PLPPR1: variants seen among roughly 807,000 people sequenced by gnomAD.
PLPPR1 encodes the protein phospholipid phosphatase-related protein type 1.
Under a neutral mutation model 33.1 loss-of-function variants are expected in PLPPR1, and 10 were observed. The observed-to-expected ratio is 0.30, with a 90% CI of 0.19 to 0.51. PLPPR1 has a LOEUF of 0.51. Ranked by LOEUF, PLPPR1 falls within the 20% of genes least tolerant of loss-of-function variation. The probability of loss-of-function intolerance (pLI) is 0.97; values close to 1 mark genes in which losing one functional copy is unlikely to be tolerated. For missense variants in PLPPR1, 304 were observed against 408.1 expected (o/e 0.74, Z 2.20); for synonymous variants, 151 against 151.0 (o/e 1.00, Z 0.00).
At chr9:101,109,060 G>A (rs140328123) in intron 1 of PLPPR1, among the ~76,000 whole-genome samples, 4,169 of 149,138 alleles carry the variant, frequency 0.028, 87 homozygotes, top group East Asian at 0.08. Flanking sequence ...CCGGATTGAC[G>A]CCATTCTCCT....
chr9:101,298,419 C>A (rs1466483032), intron 4 of PLPPR1, among the ~76,000 whole-genome samples: 1 of 152,134 alleles, frequency 6.6e-6, no homozygotes, highest in Non-Finnish European at 1.5e-5. Flanking sequence ...CTAAGTGAAG[C>A]ATGAATATTT....
rs551694427 is a variant in PLPPR1 at position 101,081,428 on chromosome 9, C to T, written c.-46+52326C>T. Among the ~76,000 whole-genome samples the T allele has an allele frequency of 2.6e-5, 4 of 152,200 alleles. No individual in the cohort carries two copies. The East Asian group carries it at 5.8e-4, about 22-fold the overall frequency. The stretch of plus-strand genomic sequence containing the variant: ...CAGGCTGGTCTGGAACTCCTGACCT[C>T]ATGATCCACCCACCTCAGCCTCCCA... On this transcript the variant is annotated intron_variant, in intron 1 of 7. Transcript: ENST00000374874.
chr9:101,195,305 C>T (rs1826375766), intron 2 of PLPPR1, among the ~76,000 whole-genome samples: 2 of 152,042 alleles, frequency 1.3e-5, no homozygotes, highest in African/African-American at 4.8e-5. Flanking sequence ...TTGAAGGGAA[C>T]GAGATTCTTT....
chr9:101,111,305 T>C (rs1398539923), intron 1 of PLPPR1, among the ~76,000 whole-genome samples: 5 of 152,182 alleles, frequency 3.3e-5, no homozygotes, highest in African/African-American at 1.2e-4. Flanking sequence ...CTGCTAAGGG[T>C]AAATCAATCT....
At position 101,296,489 on chromosome 9, in the gene PLPPR1, C is replaced by T. The variant is rs902188104; in HGVS notation, c.385+10253C>T. Among the ~76,000 whole-genome samples, 7 of 151,996 alleles carry T rather than the reference C, an allele frequency of 4.6e-5. No homozygotes were observed. In the East Asian group the frequency reaches 9.7e-4, roughly 21 times the overall value. ...ACTATAAATCATGCTGCTATAAAGA[C>T]ACATGCACATGTATGTTTATTGCGG... On this transcript the variant is annotated intron_variant, in intron 4 of 7. Transcript: ENST00000374874.
chr9:101,190,601 C>T lies in PLPPR1; in HGVS notation c.63+5044C>T, dbSNP rs895791164. ...TGGCAGTTGGTGGGGAGAACAGATG[C>T]CAACCAGCCTCTACAATTCAAAGTT... On this transcript the variant is annotated intron_variant, in intron 2 of 7. Transcript: ENST00000374874. Among the ~76,000 whole-genome samples, 17 of 152,044 alleles carry T rather than the reference C, an allele frequency of 1.1e-4. 1 individual carries two copies. The highest frequency in any genetic ancestry group is 1.0e-3 in the South Asian group (5 of 4,828).
chr9:101,070,781 C>T (rs752718698), intron 1 of PLPPR1, among the ~76,000 whole-genome samples: 3 of 152,082 alleles, frequency 2.0e-5, no homozygotes, highest in Non-Finnish European at 4.4e-5. Context: ...TCTTTCTTTA[C>T]TGCACATCCC....
intron 4 of PLPPR1, among the ~76,000 whole-genome samples, chr9:101,292,323 C>G (rs1295402343): frequency 6.6e-6 from 1 of 152,070 alleles, no homozygotes; most frequent in African/African-American, 2.4e-5. Flanking sequence ...GATTGGTGTA[C>G]CTGAAAGTGA....
At chr9:101,177,201 T>A (rs1007787912) in intron 1 of PLPPR1, among the ~76,000 whole-genome samples, 7 of 152,292 alleles carry the variant, frequency 4.6e-5, no homozygotes, top group Middle Eastern at 3.4e-3. Flanking sequence ...GATCACTTTG[T>A]ATAGTCTGGA....
chr9:101,152,555 C>T (rs1301175381), intron 1 of PLPPR1, among the ~76,000 whole-genome samples: 1 of 152,092 alleles, frequency 6.6e-6, no homozygotes, highest in Admixed American at 6.6e-5. Context: ...GTCTTTAATT[C>T]ATCTTGAATT....
At chr9:101,272,429 C>T (rs1420749435) in intron 3 of PLPPR1, among the ~76,000 whole-genome samples, 1 of 152,018 alleles carries the variant, frequency 6.6e-6, no homozygotes, top group Non-Finnish European at 1.5e-5. Context: ...ACATAAATAC[C>T]CACAAAAGCA....
chr9:101,155,363 T>C (rs1355114665), intron 1 of PLPPR1, among the ~76,000 whole-genome samples: 1 of 152,150 alleles, frequency 6.6e-6, no homozygotes, highest in Non-Finnish European at 1.5e-5. Flanking sequence ...AAGTCCAAAG[T>C]TGAGAGGCTT....
intron 1 of PLPPR1, among the ~76,000 whole-genome samples, chr9:101,140,507 G>A (rs1016454433): frequency 5.9e-4 from 90 of 152,154 alleles, no homozygotes; most frequent in African/African-American, 2.1e-3. Flanking sequence ...GATGCCTTAC[G>A]TTTTTACAAA....
At chr9:101,215,714 T>A (rs774579174) in intron 2 of PLPPR1, among the ~76,000 whole-genome samples, 26 of 152,270 alleles carry the variant, frequency 1.7e-4, no homozygotes, top group Non-Finnish European at 3.2e-4. Context: ...TTTTTTTACC[T>A]CTCACGTATG....
intron 2 of PLPPR1, among the ~76,000 whole-genome samples, chr9:101,208,007 T>C (rs545402108): frequency 1.3e-5 from 2 of 152,308 alleles, no homozygotes; most frequent in South Asian, 4.1e-4. Flanking sequence ...AGTTGAAAGA[T>C]CTGGTAACAC....
chr9:101,062,291 C>G (rs1271840418), intron 1 of PLPPR1, among the ~76,000 whole-genome samples: 2 of 151,944 alleles, frequency 1.3e-5, no homozygotes, highest in East Asian at 3.9e-4. Flanking sequence ...TCCCTTCAAA[C>G]TTACAGATAT....
At chr9:101,257,226 G>A (rs1003023454) in intron 2 of PLPPR1, among the ~76,000 whole-genome samples, 4 of 151,978 alleles carry the variant, frequency 2.6e-5, no homozygotes, top group Non-Finnish European at 5.9e-5. Context: ...TCTGTCTCAT[G>A]TCCCCACACT....
At chr9:101,196,056 G>A (rs1382810152) in intron 2 of PLPPR1, among the ~76,000 whole-genome samples, 2 of 152,104 alleles carry the variant, frequency 1.3e-5, no homozygotes, top group African/African-American at 4.8e-5. Flanking sequence ...TCTTTGCTTT[G>A]TGATGCATTT....
rs1047672004 is a variant in PLPPR1, at chr9:101,297,489, T to C, written c.385+11253T>C. ...CATCTCCTCCTTTAGCAAATGCTAA[T>C]GGTGTTGACTTTGACGGAGAGTATT... On this transcript the variant is annotated intron_variant, in intron 4 of 7. Coordinates refer to ENST00000374874, the MANE Select transcript of PLPPR1 (RefSeq NM_207299.2). Among the ~76,000 whole-genome samples, 8 of 152,338 alleles carry C rather than the reference T, an allele frequency of 5.3e-5. No homozygotes were observed. The East Asian group carries it at 1.5e-3, about 29-fold the overall frequency.
Sources: allele counts gnomAD v4.1 joint callset (sites outside exome capture counted in the v4.1 genomes callset), GRCh38; gene constraint gnomAD v4.1.1; transcripts MANE v1.5; gene names NCBI Gene and HGNC (gene_info 2026-07-23, HGNC 2026-07-21).